LGI3: variants seen among roughly 807,000 people sequenced by gnomAD.
The protein encoded by LGI3 is leucine-rich repeat LGI family member 3.
In LGI3, 47 loss-of-function variants were observed where a neutral mutation model predicts 55.4. The observed-to-expected ratio is 0.85, with a 90% CI of 0.67 to 1.08. The LOEUF (loss-of-function observed/expected upper bound fraction) is 1.08, where lower values mean the gene tolerates loss of function less well. Ranked by LOEUF, LGI3 falls within the 50% of genes least tolerant of loss-of-function variation. The pLI is 0.00. For synonymous variants in LGI3, 326 were observed against 315.0 expected, an observed-to-expected ratio of 1.04 and a Z score of -0.37; for missense variants, 664 against 726.3, an observed-to-expected ratio of 0.91 and a Z score of 0.99.
intron 4 of LGI3, 40 bp from the exon 5 acceptor site, chr8:22,154,079 A>G: frequency 6.2e-7 from 1 of 1,612,896 alleles, no homozygotes; most frequent in Non-Finnish European, 8.5e-7. Context: ...GATCATGAGC[A>G]AGGCCAAAGG....
intron 5 of LGI3, among the ~76,000 whole-genome samples, chr8:22,153,276 C>T (rs533115529): frequency 4.2e-4 from 63 of 150,948 alleles, no homozygotes; most frequent in South Asian, 2.1e-3. Context: ...GTACAGACGG[C>T]GTTTCACCAT....
intron 3 of LGI3, 105 bp downstream of exon 3, chr8:22,154,455 C>T: frequency 1.9e-6 from 2 of 1,028,750 alleles, no homozygotes; most frequent in Non-Finnish European, 1.5e-6. Context: ...CATCACCTTC[C>T]CTTCCTGCGG....
At chr8:22,151,361 A>AGACTG in intron 7 of LGI3, 128 bp downstream of exon 7, 1 of 869,982 alleles carries the variant, frequency 1.1e-6, no homozygotes, top group Non-Finnish European at 1.8e-6. Context: ...AAGACTGGAA[A>AGACTG]GTTCTTGTGG....
At position 22,151,477 on chromosome 8, in the gene LGI3, G is replaced by A; in HGVS notation, c.829+12C>T. ...TAGCAAGGGCCAGCAGAACCAGATTGGGCGCAGGTACCTGGGATTCTATCA... is the reference window on the plus strand; with the variant it reads ...TAGCAAGGGCCAGCAGAACCAGATTAGGCGCAGGTACCTGGGATTCTATCA... On this transcript the variant is annotated intron_variant, in intron 7 of 7. Coordinates refer to ENST00000306317, the MANE Select transcript of LGI3 (RefSeq NM_139278.4). The A allele has an allele frequency of 6.2e-7, 1 of 1,612,872 alleles. No homozygotes were observed. Among genetic ancestry groups the A allele is most frequent in the Non-Finnish European group, 8.5e-7 (1 of 1,179,398 alleles).
chr8:22,149,699 T>C (rs1054642441), intron 7 of LGI3, among the ~76,000 whole-genome samples: 1 of 152,172 alleles, frequency 6.6e-6, no homozygotes, highest in African/African-American at 2.4e-5. Context: ...TCCCAGGGTC[T>C]TCAGCTGCTG....
At chr8:22,155,783 T>C (rs1401766384) in intron 1 of LGI3, among the ~76,000 whole-genome samples, 2 of 152,186 alleles carry the variant, frequency 1.3e-5, no homozygotes, top group African/African-American at 4.8e-5. Flanking sequence ...TGTTGAGAGA[T>C]GGGGCATGGG....
chr8:22,155,142 C>T (rs1479335629), intron 2 of LGI3: 9 of 545,006 alleles, frequency 1.7e-5, no homozygotes, highest in Non-Finnish European at 2.6e-5. Context: ...CCAGAGCAGC[C>T]AAGCCCATCC....
Position 22,148,614 on chromosome 8 carries a change from G to A in LGI3, c.1193C>T (p.Ala398Val), listed in dbSNP as rs777040837. 2 of 1,613,928 alleles carry A rather than the reference G, an allele frequency of 1.2e-6. No individual in the cohort carries two copies. The highest frequency in any genetic ancestry group is 1.7e-5 in the Admixed American group (1 of 60,034). The change falls in exon 8 of 8, where the codon GCA (alanine) becomes GTA (valine). Residue 398 changes from alanine (A) to valine (V), a missense_variant. Transcript: ENST00000306317. The surrounding 1 kb of genome is among the most constrained non-coding windows in gnomAD (Gnocchi z 7.0). Reference sequence around the variant, plus strand: ...GCGACTCCACTGATAGATGACGGGTGCCTGGGAGCTGCTGGACACAATCAG... The same window carrying A: ...GCGACTCCACTGATAGATGACGGGTACCTGGGAGCTGCTGGACACAATCAG... ...PRLIVSSSSQ[A>V]PVIYQWSRTQ...
intron 7 of LGI3, among the ~76,000 whole-genome samples, chr8:22,151,182 C>T (rs2131793886): frequency 6.6e-6 from 1 of 152,288 alleles, no homozygotes; most frequent in South Asian, 2.1e-4. Context: ...TTCTCCCTTT[C>T]CTCTATTCTT....
At chr8:22,153,178 A>C (rs1827402800) in intron 5 of LGI3, among the ~76,000 whole-genome samples, 1 of 148,032 alleles carries the variant, frequency 6.8e-6, no homozygotes, top group Non-Finnish European at 1.5e-5. Context: ...TCTGCCTCCC[A>C]GGTTGAAGTG....
intron 5 of LGI3, 76 bp from the exon 6 acceptor site, chr8:22,152,076 G>T: frequency 1.6e-6 from 2 of 1,271,850 alleles, no homozygotes; most frequent in Non-Finnish European, 2.2e-6. Context: ...GGCCCTCCAG[G>T]TTTTCAGAAA....
Position 22,148,938 on chromosome 8 carries a change from C to A in LGI3, c.869G>T (p.Ser290Ile), listed in dbSNP as rs1381964788. 1.9e-6 allele frequency: 3 copies of A among 1,613,734 alleles called. No individual in the cohort carries two copies. The East Asian group carries it at 6.7e-5, about 36-fold the overall frequency. Residue 290 changes from serine to isoleucine, a missense_variant, in exon 8 of 8, where the codon AGC (serine) becomes ATC (isoleucine). Coordinates refer to ENST00000306317, the MANE Select transcript of LGI3 (RefSeq NM_139278.4). The surrounding 1 kb of genome is among the most constrained non-coding windows in gnomAD (Gnocchi z 7.0). ...CTGGGCCACGACCACGTACAGCTGG[C>A]TGTCCACCACCATCGGCTTGCAGTG... is the stretch of plus-strand genomic sequence containing the variant. ...AVHCKPMVVDSQLYVVVAQLF... is the reference protein window; with the variant it reads ...AVHCKPMVVDIQLYVVVAQLF...
Position 22,147,719 on chromosome 8 carries a change from T to C in LGI3, c.*441A>G. On this transcript the variant is annotated 3_prime_UTR_variant, in exon 8 of 8. Coordinates refer to ENST00000306317, the MANE Select transcript of LGI3 (RefSeq NM_139278.4). The stretch of plus-strand genomic sequence containing the variant: ...AGTGGCCCCGGGGAAGCATGACAGA[T>C]ATGGCTGTGGGCTACAGCGGGGAGC... The C allele has an allele frequency of 5.9e-6, 1 of 170,266 alleles. No homozygotes were observed. Among genetic ancestry groups the C allele is most frequent in the South Asian group, 1.5e-4 (1 of 6,880 alleles). 10.5% of individuals were successfully genotyped at this position (170,266 alleles called of 1,614,324 possible). A position where few individuals can be genotyped will look rare whatever the true frequency, so the allele number is the denominator to read the frequency against.
At chr8:22,151,138 T>C (rs963964833) in intron 7 of LGI3, among the ~76,000 whole-genome samples, 1 of 152,162 alleles carries the variant, frequency 6.6e-6, no homozygotes, top group Non-Finnish European at 1.5e-5. Context: ...TCCATCTAAT[T>C]ACGTAAGCCA....
In LGI3 at chr8:22,148,291, G is replaced by C; in HGVS notation, c.1516C>G (p.Gln506Glu). 6.2e-7 allele frequency: 1 copy of C among 1,614,162 alleles called. No homozygotes were observed. Among genetic ancestry groups the C allele is most frequent in the Non-Finnish European group, 8.5e-7 (1 of 1,179,998 alleles). The change falls in exon 8 of 8, where the codon CAG (glutamine) becomes GAG (glutamate). Residue 506 changes from glutamine to glutamate, a missense_variant. Coordinates refer to ENST00000306317, the MANE Select transcript of LGI3 (RefSeq NM_139278.4). This position sits in a 1 kb window ranked among gnomAD's most constrained non-coding sequence, Gnocchi z 7.0. Reference protein sequence around the residue: ...DEGRQKFVRFQELAVQAPRAF... With the variant: ...DEGRQKFVRFEELAVQAPRAF... ...CGAGGAGCCTGCACAGCCAGCTCCT[G>C]GAACCGTACAAACTTCTGTCGTCCC...
At chr8:22,153,477 C>A (rs1332495137) in intron 5 of LGI3, among the ~76,000 whole-genome samples, 1 of 151,380 alleles carries the variant, frequency 6.6e-6, no homozygotes, top group Non-Finnish European at 1.5e-5. Context: ...CTGAAGTTGG[C>A]AGATCACAAG....
intron 7 of LGI3, 84 bp downstream of exon 7, chr8:22,151,405 C>T (rs1421423482): frequency 1.5e-6 from 2 of 1,363,238 alleles, no homozygotes; most frequent in African/African-American, 2.9e-5. Flanking sequence ...CCTCTACCTA[C>T]AGGAACTCAA....
At chr8:22,153,267 T>G (rs1827404035) in intron 5 of LGI3, among the ~76,000 whole-genome samples, 1 of 151,092 alleles carries the variant, frequency 6.6e-6, no homozygotes, top group Non-Finnish European at 1.5e-5. Flanking sequence ...GTATTTTTAG[T>G]ACAGACGGCG....
chr8:22,156,037 G>A (rs377548959), intron 1 of LGI3, among the ~76,000 whole-genome samples: 1 of 152,208 alleles, frequency 6.6e-6, no homozygotes, highest in East Asian at 1.9e-4. Flanking sequence ...CCACATGCTC[G>A]TGTAAGCAAC....
Sources: allele counts gnomAD v4.1 joint callset (sites outside exome capture counted in the v4.1 genomes callset), GRCh38; gene constraint gnomAD v4.1.1; non-coding constraint Gnocchi (gnomAD v3.1); transcripts MANE v1.5; gene names NCBI Gene and HGNC (gene_info 2026-07-23, HGNC 2026-07-21).